PRPF18: variants seen among roughly 807,000 people sequenced by gnomAD.
PRPF18 encodes the protein pre-mRNA-splicing factor 18.
PRPF18 carries 38 observed loss-of-function variants against 46.5 expected under a neutral mutation model. That is an observed-to-expected ratio of 0.82 (90% CI 0.63 to 1.07). PRPF18 has a LOEUF of 1.07. Ranked by LOEUF, PRPF18 falls within the 50% of genes least tolerant of loss-of-function variation. The probability of loss-of-function intolerance (pLI) is 0.00; values close to 1 mark genes in which losing one functional copy is unlikely to be tolerated. For missense variants in PRPF18, 263 were observed against 410.0 expected, an observed-to-expected ratio of 0.64 and a Z score of 3.10; for synonymous variants, 152 against 146.7, an observed-to-expected ratio of 1.04 and a Z score of -0.26.
At chr10:13,597,124 T>A (rs1239543455) in intron 1 of PRPF18, among the ~76,000 whole-genome samples, 1 of 152,184 alleles carries the variant, frequency 6.6e-6, no homozygotes, top group Non-Finnish European at 1.5e-5. Context: ...AATGAATCCA[T>A]TTGAAGAAAT....
At chr10:13,644,461 CTG>C in the PRPF18 span, 2 of 152,244 alleles carry the variant, frequency 1.3e-5, no homozygotes, top group Non-Finnish European at 2.9e-5. Flanking sequence ...TACTTAATCT[CTG>C]TCTTGACTAC....
In PRPF18 at chr10:13,614,035, A is replaced by G; in HGVS notation, c.741A>G (p.Lys247=). The G allele has an allele frequency of 6.3e-7, 1 of 1,590,826 alleles. No homozygotes were observed. ...LRKRNLPADI[K]ESITDIIKFM... ...TTCAGAATCTTCCTGCTGATATTAA[A>G]GAATCAATAACGGATATTATTAAAT... is the stretch of plus-strand genomic sequence containing the variant. The change falls in exon 8 of 10, where the codon AAA becomes AAG. Residue 247 remains lysine (K), a synonymous_variant. Transcript: ENST00000378572.
At chr10:13,595,676 G>A (rs1459817946) in intron 1 of PRPF18, among the ~76,000 whole-genome samples, 2 of 152,058 alleles carry the variant, frequency 1.3e-5, no homozygotes, top group East Asian at 1.9e-4. Flanking sequence ...TGCCCCCACC[G>A]TACTCAGGGT....
intron 2 of PRPF18, among the ~76,000 whole-genome samples, chr10:13,598,670 T>G (rs1175702870): frequency 2.0e-5 from 3 of 152,200 alleles, no homozygotes; most frequent in African/African-American, 4.8e-5. Context: ...TTTGTTTTAT[T>G]TGCTTAATTA....
At chr10:13,600,007 T>C (rs964953007) in intron 2 of PRPF18, among the ~76,000 whole-genome samples, 2 of 152,220 alleles carry the variant, frequency 1.3e-5, no homozygotes, top group African/African-American at 4.8e-5. Context: ...TGTCACTCTT[T>C]TATAGCAAGA....
chr10:13,635,685 T>C (rs919217489), downstream of PRPF18, among the ~76,000 whole-genome samples: 3 of 152,218 alleles, frequency 2.0e-5, no homozygotes, highest in African/African-American at 7.2e-5. Flanking sequence ...GTTGGCTGCA[T>C]GTATGTCTTC....
the PRPF18 span, chr10:13,647,114 G>C: frequency 5.0e-6 from 1 of 198,396 alleles, no homozygotes; most frequent in Non-Finnish European, 9.1e-6. Context: ...CACTGAGAAG[G>C]ATATGTTCAC....
At chr10:13,639,262 A>C in the PRPF18 span, 2 of 152,188 alleles carry the variant, frequency 1.3e-5, no homozygotes, top group African/African-American at 2.4e-5. Context: ...TGTCATCAAG[A>C]TTCTGAATCA....
rs747952237 is a variant in PRPF18, at chr10:13,600,357, A to T, written c.249+9A>T. The T allele has an allele frequency of 1.9e-6, 3 of 1,583,832 alleles. No individual in the cohort carries two copies. The highest frequency in any genetic ancestry group is 4.5e-5 in the East Asian group (2 of 44,362). On this transcript the variant is annotated intron_variant, in intron 3 of 9. Transcript: ENST00000378572. ...CGCTTTCTAGGCAAGAGGTAAGTTT[A>T]TTTGTGATGGTTTCATGAGAATAAG...
the PRPF18 span, chr10:13,639,380 T>C: frequency 6.6e-6 from 1 of 152,190 alleles, no homozygotes; most frequent in Non-Finnish European, 1.5e-5. Flanking sequence ...CTTCTGAGTA[T>C]CTGTTATAGA....
intron 9 of PRPF18, among the ~76,000 whole-genome samples, chr10:13,619,564 G>C (rs2080394589): frequency 6.6e-6 from 1 of 152,130 alleles, no homozygotes; most frequent in Admixed American, 6.5e-5. Flanking sequence ...TTCAACTCAT[G>C]CGCCCAAGAG....
intron 1 of PRPF18, chr10:13,592,187 G>C (rs917418305): frequency 4.8e-6 from 3 of 622,800 alleles, no homozygotes; most frequent in Non-Finnish European, 8.9e-6. Context: ...GGACAGGGTT[G>C]TGCTGCAATG....
At chr10:13,625,903 C>G (rs1440050273) in intron 9 of PRPF18, among the ~76,000 whole-genome samples, 1 of 152,244 alleles carries the variant, frequency 6.6e-6, no homozygotes, top group Non-Finnish European at 1.5e-5. Context: ...CTAATGACAT[C>G]TCCCATGCAC....
At chr10:13,591,845 T>C in intron 1 of PRPF18, 1 of 1,430,632 alleles carries the variant, frequency 7.0e-7, no homozygotes. Flanking sequence ...ACCGCCCTCT[T>C]GCCTCTGTGG....
intron 2 of PRPF18, 136 bp downstream of exon 2, chr10:13,597,671 G>A: frequency 6.3e-7 from 1 of 1,599,658 alleles, no homozygotes; most frequent in East Asian, 2.3e-5. Context: ...CATCTGGAGA[G>A]GTATGAGTTT....
chr10:13,630,628 C>G lies in PRPF18; in HGVS notation c.*288C>G, dbSNP rs2080581620. 1 of 191,334 alleles carries G rather than the reference C, an allele frequency of 5.2e-6. No individual in the cohort carries two copies. The highest frequency in any genetic ancestry group is 2.3e-5 in the African/African-American group (1 of 42,902). 11.9% of individuals were successfully genotyped at this position (191,334 alleles called of 1,614,324 possible). On this transcript the variant is annotated 3_prime_UTR_variant, in exon 10 of 10. Coordinates refer to ENST00000378572, the MANE Select transcript of PRPF18 (RefSeq NM_003675.4). The stretch of plus-strand genomic sequence containing the variant: ...GACAACAGAAGGGGGTTTAAAATGA[C>G]CTTTTTTTCAGTTGACCCGAAAGTT...
chr10:13,609,089 C>CA (rs1380937344), intron 4 of PRPF18, among the ~76,000 whole-genome samples: 5 of 152,176 alleles, frequency 3.3e-5, no homozygotes, highest in Admixed American at 1.3e-4. Flanking sequence ...GGACAGGAGA[C>CA]AATGATCAGA....
downstream of PRPF18, chr10:13,632,557 CAGTT>C (rs1382986696): frequency 1.3e-5 from 2 of 152,176 alleles, no homozygotes; most frequent in African/African-American, 4.8e-5. Context: ...TTCTGTTTTG[CAGTT>C]AGTTAATGTT....
At position 13,620,714 on chromosome 10, in the gene PRPF18, T is replaced by C. The variant is rs1263135982; in HGVS notation, c.948+4161T>C. Among the ~76,000 whole-genome samples the C allele has an allele frequency of 2.6e-5, 4 of 152,326 alleles. No homozygotes were observed. The East Asian group carries it at 7.7e-4, about 29-fold the overall frequency. On this transcript the variant is annotated intron_variant, in intron 9 of 9. Transcript: ENST00000378572. ...AGATAATTATTTTTTTATTTAGAAA[T>C]ACTGGTGAAAAATATGTTTTATGAA...
Sources: gnomAD v4.1 joint callset for allele counts (sites outside exome capture counted in the v4.1 genomes callset) on GRCh38, gnomAD v4.1.1 for gene constraint, MANE v1.5 for transcripts, NCBI Gene and HGNC (gene_info 2026-07-23, HGNC 2026-07-21) for gene names.